The following HSF5 variants were observed in gnomAD, a reference collection of about 807,000 sequenced individuals.
HSF5 encodes heat shock transcription factor 5.
In HSF5, 5 loss-of-function variants were observed where a neutral mutation model predicts 50.8. The ratio of observed to expected loss-of-function variants is 0.10; its 90% CI spans 0.05 to 0.21. HSF5 has a LOEUF of 0.21. Among genes scored for constraint, HSF5 ranks in the 10% least tolerant of loss-of-function variants. HSF5 has a pLI of 1.00. For synonymous variants in HSF5, 307 were observed against 307.4 expected, an observed-to-expected ratio of 1.00 and a Z score of 0.02; for missense variants, 564 against 762.6, an observed-to-expected ratio of 0.74 and a Z score of 3.07.
intron 1 of HSF5, among the ~76,000 whole-genome samples, chr17:58,485,825 GGGA>G (rs1386297811): frequency 6.6e-6 from 1 of 151,872 alleles, no homozygotes; most frequent in Non-Finnish European, 1.5e-5. Context: ...CCAGCACATT[GGGA>G]GGCCAAGATG....
intron 5 of HSF5, among the ~76,000 whole-genome samples, chr17:58,437,862 C>T (rs1286760111): frequency 6.6e-6 from 1 of 152,182 alleles, no homozygotes; most frequent in Non-Finnish European, 1.5e-5. Context: ...TTATAAATAA[C>T]ACTATAGCAA....
intron 2 of HSF5, among the ~76,000 whole-genome samples, chr17:58,477,711 C>T (rs1020467278): frequency 2.6e-5 from 4 of 152,100 alleles, no homozygotes; most frequent in Non-Finnish European, 4.4e-5. Context: ...CTGCCCGCCT[C>T]GGCCTCCCAA....
intron 5 of HSF5, among the ~76,000 whole-genome samples, chr17:58,457,832 T>C (rs1181648982): frequency 6.6e-6 from 1 of 152,250 alleles, no homozygotes; most frequent in African/African-American, 2.4e-5. Context: ...TCTTTAATTA[T>C]GGATTGGAAA....
At chr17:58,464,958 CAG>C (rs749627662) in intron 3 of HSF5, among the ~76,000 whole-genome samples, 524 of 147,362 alleles carry the variant, frequency 3.6e-3, no homozygotes, top group Non-Finnish European at 6.1e-3. Context: ...TTTTTTGAGA[CAG>C]GGTCTCACTG....
intron 1 of HSF5, among the ~76,000 whole-genome samples, chr17:58,485,092 C>T (rs1429815672): frequency 6.6e-6 from 1 of 151,422 alleles, no homozygotes; most frequent in Non-Finnish European, 1.5e-5. Flanking sequence ...GTAGCTGGGA[C>T]TACAGGCACC....
chr17:58,464,469 T>A (rs938044136), intron 3 of HSF5, among the ~76,000 whole-genome samples: 1 of 152,200 alleles, frequency 6.6e-6, no homozygotes, highest in African/African-American at 2.4e-5. Flanking sequence ...CAATACAATG[T>A]ACTGACTGTG....
chr17:58,427,806 G>T (rs553867394), intron 5 of HSF5, among the ~76,000 whole-genome samples: 1 of 152,228 alleles, frequency 6.6e-6, no homozygotes, highest in East Asian at 1.9e-4. Context: ...CAATGATCAG[G>T]GCTGCAAAAA....
At chr17:58,476,549 G>A (rs1975014214) in intron 2 of HSF5, 1 of 1,424,754 alleles carries the variant, frequency 7.0e-7, no homozygotes, top group Non-Finnish European at 9.9e-7. Flanking sequence ...TTATTTTCAA[G>A]GTAAGGATTT....
chr17:58,482,695 G>C (rs1975114053), intron 1 of HSF5, among the ~76,000 whole-genome samples: 1 of 82,688 alleles, frequency 1.2e-5, no homozygotes, highest in African/African-American at 4.9e-5. Flanking sequence ...GGGCAACACA[G>C]CAAGACTCCA....
chr17:58,424,598 T>G (rs1974268761), intron 5 of HSF5, among the ~76,000 whole-genome samples: 1 of 134,222 alleles, frequency 7.5e-6, no homozygotes, highest in Non-Finnish European at 1.6e-5. Flanking sequence ...GGCGACAGAG[T>G]GAGACTCCGT....
At chr17:58,459,097 T>C in intron 4 of HSF5, 152 bp from the exon 5 acceptor site, 1 of 645,808 alleles carries the variant, frequency 1.5e-6, no homozygotes, top group Middle Eastern at 3.8e-4. Context: ...TATACCTTTC[T>C]CCCTACACAA....
At chr17:58,432,121 A>AT (rs1974372795) in intron 5 of HSF5, among the ~76,000 whole-genome samples, 1 of 152,194 alleles carries the variant, frequency 6.6e-6, no homozygotes, top group African/African-American at 2.4e-5. Context: ...TTTTCCATAA[A>AT]TTTTTAAAAA....
At chr17:58,462,718 T>C (rs1974809157) in intron 4 of HSF5, 64 bp downstream of exon 4, 34 of 1,428,214 alleles carry the variant, frequency 2.4e-5, no homozygotes, top group Non-Finnish European at 3.0e-5. Context: ...TCCACTAGAA[T>C]AGTCTTTAGC....
chr17:58,483,514 T>C (rs1194964588), intron 1 of HSF5, among the ~76,000 whole-genome samples: 1 of 152,234 alleles, frequency 6.6e-6, no homozygotes, highest in Non-Finnish European at 1.5e-5. Context: ...TCCAGAATTC[T>C]GGAAATAGAG....
intron 1 of HSF5, among the ~76,000 whole-genome samples, chr17:58,486,931 C>T (rs1372827176): frequency 7.5e-6 from 1 of 133,002 alleles, no homozygotes; most frequent in Non-Finnish European, 1.6e-5. Context: ...TTTTTGAGAC[C>T]GAGTCTCGCT....
chr17:58,467,712 C>A (rs1346094409), intron 2 of HSF5, among the ~76,000 whole-genome samples: 1 of 152,212 alleles, frequency 6.6e-6, no homozygotes, highest in African/African-American at 2.4e-5. Flanking sequence ...ACACAGTAAG[C>A]AAACAGTAAG....
At chr17:58,479,071 T>C (rs1165085946) in intron 2 of HSF5, among the ~76,000 whole-genome samples, 2 of 152,006 alleles carry the variant, frequency 1.3e-5, no homozygotes, top group Admixed American at 1.3e-4. Context: ...CCCCAGTTCT[T>C]AGCTGCCTAG....
chr17:58,443,519 A>C (rs1199166977), intron 5 of HSF5, among the ~76,000 whole-genome samples: 1 of 152,040 alleles, frequency 6.6e-6, no homozygotes. Flanking sequence ...GCCTCAACCC[A>C]TCCCCTACCA....
At chr17:58,450,338 C>CAAAAAAAAAAAAAAAAA (rs758990551) in intron 5 of HSF5, among the ~76,000 whole-genome samples, 1 of 51,938 alleles carries the variant, frequency 1.9e-5, no homozygotes, top group Non-Finnish European at 3.2e-5. Flanking sequence ...GACTTTGTCT[C>CAAAAAAAAAAAAAAAAA]AAAAAAAAAA....
Sources: allele counts gnomAD v4.1 joint callset (sites outside exome capture counted in the v4.1 genomes callset), GRCh38; gene constraint gnomAD v4.1.1; transcripts MANE v1.5; gene names NCBI Gene and HGNC (gene_info 2026-07-23, HGNC 2026-07-21).